Variants in CDH4 observed in about 807,000 individuals in gnomAD.
CDH4 encodes cadherin-4.
In CDH4, 33 loss-of-function variants were observed where a neutral mutation model predicts 86.0. That is an observed-to-expected ratio of 0.38 (90% CI 0.29 to 0.51). The LOEUF is 0.51. Among genes scored for constraint, CDH4 ranks in the 20% least tolerant of loss-of-function variants. CDH4 has a pLI of 0.86. For synonymous variants in CDH4, 555 were observed against 549.4 expected (o/e 1.01, Z -0.14); for missense variants, 1,114 against 1,307.4 (o/e 0.85, Z 2.28).
chr20:61,500,651 T>G (rs745777159), intron 2 of CDH4, among the ~76,000 whole-genome samples: 52 of 152,254 alleles, frequency 3.4e-4, no homozygotes, highest in Non-Finnish European at 6.5e-4. Context: ...CACAGACACC[T>G]GCGTATCATA....
At chr20:61,724,378 C>A (rs889238218) in intron 2 of CDH4, among the ~76,000 whole-genome samples, 3 of 152,222 alleles carry the variant, frequency 2.0e-5, no homozygotes, top group African/African-American at 7.2e-5. Context: ...CCCGCCAAGA[C>A]TCCCCATGAA....
At chr20:61,832,840 G>A (rs1037502058) in intron 4 of CDH4, among the ~76,000 whole-genome samples, 4 of 152,184 alleles carry the variant, frequency 2.6e-5, no homozygotes, top group Admixed American at 2.0e-4. Context: ...AGCATCCGTT[G>A]TCATTACCAT....
Position 61,923,642 on chromosome 20 carries a change from C to A in CDH4, c.1566C>A (p.Pro522=). 6.2e-7 allele frequency: 1 copy of A among 1,614,050 alleles called. No homozygotes were observed. Among genetic ancestry groups the A allele is most frequent in the Non-Finnish European group, 8.5e-7 (1 of 1,180,032 alleles). The change falls in exon 10 of 16, where the codon CCC becomes CCA. Residue 522 remains proline, a synonymous_variant. Transcript: ENST00000614565. ...TCCGCCTGGAGGAGGGCGTGCCCCC[C>A]GGCACCGTGCTGACCACGTTTTCAG... ...KLIRLEEGVP[P]GTVLTTFSAV...
rs377395696 is a variant in CDH4 at position 61,786,066 on chromosome 20, G to T, written c.576+12884G>T. On this transcript the variant is annotated intron_variant, in intron 4 of 15. Coordinates refer to ENST00000614565, the MANE Select transcript of CDH4 (RefSeq NM_001794.5). ...GACACAGAATCCACGTCCAGGATGGGAGGAACTGCTCTAAGAACACGTGAA... is the reference window on the plus strand; with the variant it reads ...GACACAGAATCCACGTCCAGGATGGTAGGAACTGCTCTAAGAACACGTGAA... Among the ~76,000 whole-genome samples the T allele has an allele frequency of 1.0e-3, 155 of 152,242 alleles. 6 individuals carry two copies. In the South Asian group the frequency reaches 0.029, roughly 29 times the overall value.
chr20:61,803,420 C>A (rs895448454), intron 4 of CDH4, among the ~76,000 whole-genome samples: 3 of 152,240 alleles, frequency 2.0e-5, no homozygotes, highest in Non-Finnish European at 1.5e-5. Flanking sequence ...CAAATGAAAT[C>A]TTTTCGTTCA....
chr20:61,583,134 GGGACAGAGGGCTCTGCGGA>G (rs1212056438), intron 2 of CDH4, among the ~76,000 whole-genome samples: 2 of 69,296 alleles, frequency 2.9e-5, no homozygotes, highest in African/African-American at 4.2e-5. Flanking sequence ...GCTCTGCGGG[GGGACAGAGGGCTCTGCGGA>G]GGGACAGAGG....
chr20:61,684,776 C>A lies in CDH4; in HGVS notation c.170-58787C>A, dbSNP rs567342087. ...ACAGCAGCCTCCCTCAATCTGCAGC[C>A]CACAGCCGCCTGCCGTGACCACCCC... On this transcript the variant is annotated intron_variant, in intron 2 of 15. Transcript: ENST00000614565. This position sits in a 1 kb window ranked among gnomAD's most constrained non-coding sequence, Gnocchi z 4.5. Among the ~76,000 whole-genome samples, 1 of 152,188 alleles carries A rather than the reference C, an allele frequency of 6.6e-6. No individual in the cohort carries two copies. Among genetic ancestry groups the A allele is most frequent in the Non-Finnish European group, 1.5e-5 (1 of 68,034 alleles).
intron 2 of CDH4, among the ~76,000 whole-genome samples, chr20:61,678,902 G>T (rs1209207457): frequency 1.3e-5 from 2 of 152,168 alleles, no homozygotes; most frequent in Non-Finnish European, 2.9e-5. Context: ...GGCAGATAAG[G>T]TCCCATTCTC....
intron 2 of CDH4, among the ~76,000 whole-genome samples, chr20:61,515,233 G>A (rs2145618481): frequency 6.6e-6 from 1 of 152,364 alleles, no homozygotes; most frequent in African/African-American, 2.4e-5. Flanking sequence ...TGAGCTCCCG[G>A]TTCTGGGGAC....
intron 3 of CDH4, among the ~76,000 whole-genome samples, chr20:61,755,430 C>A (rs905098726): frequency 4.8e-5 from 7 of 145,324 alleles, no homozygotes; most frequent in Non-Finnish European, 9.1e-5. Context: ...CAGTGCACGT[C>A]ACACACCACA....
intron 7 of CDH4, among the ~76,000 whole-genome samples, chr20:61,875,557 G>A (rs1011723985): frequency 2.0e-5 from 3 of 152,212 alleles, no homozygotes; most frequent in Non-Finnish European, 4.4e-5. Flanking sequence ...GATGGCACAG[G>A]CGAGGACTTT....
intron 2 of CDH4, among the ~76,000 whole-genome samples, chr20:61,503,009 G>T (rs2085715687): frequency 6.6e-6 from 1 of 152,106 alleles, no homozygotes; most frequent in Admixed American, 6.6e-5. Flanking sequence ...TTCTTTTATT[G>T]GCTTGATGGA....
intron 2 of CDH4, among the ~76,000 whole-genome samples, chr20:61,337,171 A>G (rs993765020): frequency 2.6e-5 from 4 of 151,802 alleles, no homozygotes; most frequent in South Asian, 2.1e-4. Context: ...GCCACATCCC[A>G]TGGATACCTG....
At chr20:61,617,436 C>T (rs1432975715) in intron 2 of CDH4, among the ~76,000 whole-genome samples, 2 of 152,224 alleles carry the variant, frequency 1.3e-5, no homozygotes, top group Non-Finnish European at 2.9e-5. Context: ...AGACAGCCAT[C>T]CCACAGGCTG....
chr20:61,451,350 C>T (rs193215102), intron 2 of CDH4, among the ~76,000 whole-genome samples: 238 of 152,272 alleles, frequency 1.6e-3, no homozygotes, highest in Non-Finnish European at 2.7e-3. Flanking sequence ...CTTGGCCTCA[C>T]GCAGACCTGG....
At chr20:61,325,175 G>A (rs766501985) in intron 2 of CDH4, among the ~76,000 whole-genome samples, 3 of 151,910 alleles carry the variant, frequency 2.0e-5, no homozygotes, top group Non-Finnish European at 4.4e-5. Context: ...AAGAGTGGAC[G>A]GCATTTTTGC....
intron 2 of CDH4, among the ~76,000 whole-genome samples, chr20:61,551,107 G>A (rs112816728): frequency 1.3e-5 from 2 of 152,170 alleles, no homozygotes; most frequent in South Asian, 2.1e-4. Context: ...CCTCGGGATC[G>A]ATAAAGGTGT....
At chr20:61,876,345 G>A (rs1167478372) in intron 7 of CDH4, among the ~76,000 whole-genome samples, 3 of 152,270 alleles carry the variant, frequency 2.0e-5, no homozygotes, top group Admixed American at 2.0e-4. Flanking sequence ...TCCAGTCCCA[G>A]TGCAGGGGCA....
At chr20:61,383,741 A>G (rs142673243) in intron 2 of CDH4, among the ~76,000 whole-genome samples, 3,015 of 140,000 alleles carry the variant, frequency 0.022, 205 homozygotes, top group African/African-American at 0.076. Flanking sequence ...TATGATATAT[A>G]TGAAGATATA....
Sources: gnomAD v4.1 joint callset for allele counts (sites outside exome capture counted in the v4.1 genomes callset) on GRCh38, gnomAD v4.1.1 for gene constraint, Gnocchi (gnomAD v3.1) non-coding constraint, MANE v1.5 for transcripts, NCBI Gene and HGNC (gene_info 2026-07-23, HGNC 2026-07-21) for gene names.